HMGA2: variants seen among roughly 807,000 people sequenced by gnomAD.
The protein encoded by HMGA2 is high mobility group protein HMGI-C.
Under a neutral mutation model 19.1 loss-of-function variants are expected in HMGA2, and 8 were observed. The ratio of observed to expected loss-of-function variants is 0.42; its 90% CI spans 0.25 to 0.76. The LOEUF is 0.76. HMGA2 is among the 30% of genes least tolerant of loss of function. The probability of loss-of-function intolerance (pLI) is 0.28; values close to 1 mark genes in which losing one functional copy is unlikely to be tolerated. For missense variants in HMGA2, 109 were observed against 136.3 expected (o/e 0.80, Z 1.00); for synonymous variants, 60 against 48.8 (o/e 1.23, Z -0.96).
Position 65,838,998 on chromosome 12 carries a change from CTT to C in HMGA2, c.249+440_249+441del. ...TTTCTTTTTCTTTCTTTTTCTTTTT[CTT>C]TTTTTTTTTTGGTTTTCTCCATGGC... On this transcript the variant is annotated intron_variant, in intron 3 of 4. Coordinates refer to ENST00000403681, the MANE Select transcript of HMGA2 (RefSeq NM_003483.6). 2.3e-4 allele frequency among the ~76,000 whole-genome samples: 25 copies of C among 107,194 alleles called. 1 individual carries two copies. Among genetic ancestry groups the C allele is most frequent in the African/African-American group, 1.0e-3 (19 of 18,790 alleles). 70.3% of individuals were successfully genotyped at this position (107,194 alleles called of 152,430 possible).
intron 3 of HMGA2, chr12:65,859,552 T>C (rs1456583467): frequency 6.6e-6 from 1 of 152,246 alleles, no homozygotes; most frequent in Non-Finnish European, 1.5e-5. Flanking sequence ...GACGAACACT[T>C]TCTCACCTTC....
intron 3 of HMGA2, among the ~76,000 whole-genome samples, chr12:65,922,675 TG>T (rs1446880080): frequency 1.3e-5 from 2 of 152,098 alleles, no homozygotes; most frequent in Admixed American, 1.3e-4. Context: ...GGTTTTGAAA[TG>T]TGTAGATATG....
At chr12:65,842,218 A>T (rs1407479912) in intron 3 of HMGA2, 1 of 726,440 alleles carries the variant, frequency 1.4e-6, no homozygotes, top group Non-Finnish European at 2.1e-6. Context: ...AGAAAATCAC[A>T]TGACCTTTAA....
At chr12:65,896,659 A>T (rs1874144385) in intron 3 of HMGA2, among the ~76,000 whole-genome samples, 1 of 152,206 alleles carries the variant, frequency 6.6e-6, no homozygotes, top group Non-Finnish European at 1.5e-5. Context: ...TCGTAAGTCA[A>T]TGGCCAATGG....
At chr12:65,855,699 A>AGATGATGAT (rs3048830) in intron 3 of HMGA2, among the ~76,000 whole-genome samples, 11,563 of 148,586 alleles carry the variant, frequency 0.078, 496 homozygotes, top group Admixed American at 0.083. Context: ...ACCAGAACAC[A>AGATGATGAT]GATGATGATG....
chr12:65,836,009 G>C (rs1870701664), intron 2 of HMGA2, among the ~76,000 whole-genome samples: 1 of 152,172 alleles, frequency 6.6e-6, no homozygotes, highest in African/African-American at 2.4e-5. Context: ...AATAGCCAAA[G>C]GGATCCTTAA....
chr12:65,887,754 A>G (rs1367407453), intron 3 of HMGA2, among the ~76,000 whole-genome samples: 1 of 152,116 alleles, frequency 6.6e-6, no homozygotes, highest in Admixed American at 6.5e-5. Flanking sequence ...CTTAAAGAAC[A>G]ATAGTTAAAT....
chr12:65,855,208 T>C (rs1871668504), intron 3 of HMGA2, among the ~76,000 whole-genome samples: 1 of 152,142 alleles, frequency 6.6e-6, no homozygotes, highest in South Asian at 2.1e-4. Flanking sequence ...TTGTTTCACA[T>C]AGATTTTAAA....
At chr12:65,939,045 G>A (rs983910808) in intron 3 of HMGA2, among the ~76,000 whole-genome samples, 79 of 152,178 alleles carry the variant, frequency 5.2e-4, no homozygotes, top group African/African-American at 1.9e-3. Flanking sequence ...AGAGCTACAA[G>A]AGGAAGAGGA....
intron 3 of HMGA2, among the ~76,000 whole-genome samples, chr12:65,843,761 G>C (rs752544890): frequency 5.2e-4 from 79 of 151,898 alleles, no homozygotes; most frequent in Non-Finnish European, 8.5e-4. Context: ...TTTCCTTGTT[G>C]AAAGTGGCTG....
At chr12:65,858,082 G>C (rs1871835993) in intron 3 of HMGA2, 1 of 152,476 alleles carries the variant, frequency 6.6e-6, no homozygotes, top group African/African-American at 2.4e-5. Context: ...CCTTGGCTCT[G>C]CCTCCCAGCC....
chr12:65,909,436 A>C (rs1463312068), intron 3 of HMGA2, among the ~76,000 whole-genome samples: 1 of 152,144 alleles, frequency 6.6e-6, no homozygotes, highest in Non-Finnish European at 1.5e-5. Flanking sequence ...ATTTCCATTT[A>C]ATCTTTTTAC....
At chr12:65,860,972 G>T (rs1872029440) in intron 3 of HMGA2, among the ~76,000 whole-genome samples, 2 of 152,316 alleles carry the variant, frequency 1.3e-5, no homozygotes, top group African/African-American at 4.8e-5. Flanking sequence ...CATGGTGTTT[G>T]ACTTCATGGC....
In HMGA2 at chr12:65,824,558, C is replaced by G. The variant is rs1002653760; in HGVS notation, c.-713C>G. The G allele has an allele frequency of 4.3e-6, 1 of 233,346 alleles. No individual in the cohort carries two copies. The highest frequency in any genetic ancestry group is 8.4e-6 in the Non-Finnish European group (1 of 118,468). 14.5% of individuals were successfully genotyped at this position (233,346 alleles called of 1,614,324 possible). On this transcript the variant is annotated 5_prime_UTR_variant, in exon 1 of 5. Coordinates refer to ENST00000403681, the MANE Select transcript of HMGA2 (RefSeq NM_003483.6). ...AGCAGCCCGTCCCCCTCCGACTCTC[C>G]GGTGCCGCCGCTGCCTGCTCCCGCC...
intron 3 of HMGA2, among the ~76,000 whole-genome samples, chr12:65,864,197 C>T (rs190837855): frequency 9.2e-5 from 14 of 152,154 alleles, no homozygotes; most frequent in African/African-American, 2.6e-4. Context: ...TATTTGCTTC[C>T]AACCTGCCAA....
intron 4 of HMGA2, chr12:65,951,760 T>C (rs1876468026): frequency 4.8e-6 from 1 of 207,042 alleles, no homozygotes; most frequent in African/African-American, 2.3e-5. Context: ...CAACTGACTG[T>C]CTATATTCTG....
rs149251955 is a variant in HMGA2 at position 65,914,954 on chromosome 12, C to T, written c.250-36429C>T. The stretch of plus-strand genomic sequence containing the variant: ...CCTCTCAAAGTGCTGGGAATACAGG[C>T]GTGAGCCATCGTGCCTGGTCTAAAA... On this transcript the variant is annotated intron_variant, in intron 3 of 4. Transcript: ENST00000403681. 183 of 1,485,872 alleles carry T rather than the reference C, an allele frequency of 1.2e-4. 1 individual carries two copies. In the East Asian group the frequency reaches 3.8e-3, roughly 31 times the overall value. The allele number at this position is 1,485,872 out of a possible 1,614,324, so 92.0% of individuals were successfully genotyped here.
At chr12:65,838,666 C>A in intron 3 of HMGA2, 97 bp downstream of exon 3, 2 of 865,104 alleles carry the variant, frequency 2.3e-6, no homozygotes, top group Non-Finnish European at 3.8e-6. Context: ...CATGAATTTC[C>A]AACTTCTGGT....
intron 3 of HMGA2, among the ~76,000 whole-genome samples, chr12:65,950,028 T>C (rs1008577096): frequency 6.6e-6 from 1 of 152,188 alleles, no homozygotes; most frequent in Non-Finnish European, 1.5e-5. Flanking sequence ...CTTGGATGTC[T>C]ACAAGCAAAA....
Sources: allele counts gnomAD v4.1 joint callset (sites outside exome capture counted in the v4.1 genomes callset), GRCh38; gene constraint gnomAD v4.1.1; transcripts MANE v1.5; gene names NCBI Gene and HGNC (gene_info 2026-07-23, HGNC 2026-07-21).